RRP7A: variants seen among roughly 807,000 people sequenced by gnomAD.
RRP7A encodes the protein ribosomal RNA processing 7 homolog A.
In RRP7A, 27 loss-of-function variants were observed where a neutral mutation model predicts 38.4. The observed-to-expected ratio is 0.70, with a 90% CI of 0.52 to 0.97. The LOEUF is 0.97. RRP7A is among the 50% of genes least tolerant of loss of function. The probability of loss-of-function intolerance (pLI) is 0.00; values close to 1 mark genes in which losing one functional copy is unlikely to be tolerated. For missense variants in RRP7A, 327 were observed against 375.4 expected (o/e 0.87, Z 1.07); for synonymous variants, 124 against 150.3 (o/e 0.83, Z 1.28).
chr22:42,519,473 G>A (rs113476494), intron 1 of RRP7A, among the ~76,000 whole-genome samples: 26,778 of 151,692 alleles, frequency 0.18, 2,672 homozygotes, highest in African/African-American at 0.26. Context: ...ACAGAGGCGG[G>A]CTCACCCAAG....
intron 2 of RRP7A, among the ~76,000 whole-genome samples, chr22:42,517,107 G>A (rs1920932016): frequency 6.6e-6 from 1 of 151,910 alleles, no homozygotes; most frequent in African/African-American, 2.4e-5. Context: ...GTGAAACCTT[G>A]TCTATACTAA....
rs1458343225 is a variant in RRP7A, at chr22:42,512,486, G to T, written c.*424C>A. ...ATAATCTCCAGCCAGCTGGAGGAAG[G>T]AAGGGCGGGCTGGGCCCACCTAGCC... On this transcript the variant is annotated 3_prime_UTR_variant, in exon 7 of 7. Transcript: ENST00000323013. The T allele has an allele frequency of 3.5e-6, 2 of 567,568 alleles. No individual in the cohort carries two copies. Among genetic ancestry groups the T allele is most frequent in the African/African-American group, 3.8e-5 (2 of 53,320 alleles). The allele number at this position is 567,568 out of a possible 1,614,324, so 35.2% of individuals were successfully genotyped here.
intron 2 of RRP7A, among the ~76,000 whole-genome samples, chr22:42,517,580 C>CG (rs1189171099): frequency 1.1e-4 from 17 of 152,080 alleles, no homozygotes; most frequent in Middle Eastern, 6.8e-3. Flanking sequence ...AGTGCAGTGG[C>CG]GCGATCTTGG....
In RRP7A at chr22:42,512,473, C is replaced by T; in HGVS notation, c.*437G>A. On this transcript the variant is annotated 3_prime_UTR_variant, in exon 7 of 7. Transcript: ENST00000323013. The stretch of plus-strand genomic sequence containing the variant: ...TGTCTCCTGGCTAATAATCTCCAGC[C>T]AGCTGGAGGAAGGAAGGGCGGGCTG... 1 of 574,928 alleles carries T rather than the reference C, an allele frequency of 1.7e-6. No homozygotes were observed. 35.6% of individuals were successfully genotyped at this position (574,928 alleles called of 1,614,324 possible).
At position 42,509,084 on chromosome 22, in the gene RRP7A, G is replaced by A; in HGVS notation, c.*3826C>T. ...AGCTGTGTGCGCATTCCATCAGGAA[G>A]CTGCAGGCCCATGTCCTGTTGATCA... On this transcript the variant is annotated 3_prime_UTR_variant, in exon 7 of 7. Transcript: ENST00000323013. The A allele has an allele frequency of 6.2e-7, 1 of 1,613,964 alleles. No homozygotes were observed. The highest frequency in any genetic ancestry group is 8.5e-7 in the Non-Finnish European group (1 of 1,179,812).
chr22:42,508,518 C>T lies in RRP7A; in HGVS notation c.*4392G>A, dbSNP rs1298273752. ...ATCCAGACGTAAAACAGTCACAAGA[C>T]AGGGCAGGCAGGGCCGCGGAGGAGG... is the stretch of plus-strand genomic sequence containing the variant. On this transcript the variant is annotated 3_prime_UTR_variant, in exon 7 of 7. Transcript: ENST00000323013. Among the ~76,000 whole-genome samples, 3 of 152,176 alleles carry T rather than the reference C, an allele frequency of 2.0e-5. No individual in the cohort carries two copies. The East Asian group carries it at 5.8e-4, about 29-fold the overall frequency.
In RRP7A at chr22:42,510,917, T is replaced by A; in HGVS notation, c.*1993A>T. On this transcript the variant is annotated 3_prime_UTR_variant, in exon 7 of 7. Coordinates refer to ENST00000323013, the MANE Select transcript of RRP7A (RefSeq NM_015703.5). ...CCTGGGGACACATGTAATCAGAATT[T>A]AAGAAACAGAGACCTTTGGTGGGGA... is the stretch of plus-strand genomic sequence containing the variant. 3.9e-6 allele frequency: 2 copies of A among 519,112 alleles called. No individual in the cohort carries two copies. The highest frequency in any genetic ancestry group is 5.2e-6 in the Non-Finnish European group (2 of 382,296). 32.2% of individuals were successfully genotyped at this position (519,112 alleles called of 1,614,324 possible).
chr22:42,517,923 C>G (rs1392963173), intron 2 of RRP7A, 82 bp downstream of exon 2: 1 of 1,506,140 alleles, frequency 6.6e-7, no homozygotes. Context: ...CTGTGTCCGT[C>G]TCACCACCAA....
Position 42,519,723 on chromosome 22 carries a change from C to T in RRP7A, c.64G>A (p.Gly22Ser). The T allele has an allele frequency of 6.8e-7, 1 of 1,461,822 alleles. No individual in the cohort carries two copies. Among genetic ancestry groups the T allele is most frequent in the Non-Finnish European group, 9.0e-7 (1 of 1,109,068 alleles). 90.6% of individuals were successfully genotyped at this position (1,461,822 alleles called of 1,614,324 possible). ...TCCCGGAGCCCCTCACCTGCGTAGCCCAGTGGGCTGGGGATACGGTCCTCC... is the reference window on the plus strand; with the variant it reads ...TCCCGGAGCCCCTCACCTGCGTAGCTCAGTGGGCTGGGGATACGGTCCTCC... ...DPEDRIPSPL[G>S]YAAIPIKFSE... The change falls in exon 1 of 7, where the codon GGC becomes AGC. Residue 22 changes from glycine (G) to serine (S), a missense_variant. Transcript: ENST00000323013.
In RRP7A at chr22:42,516,143, C is replaced by T. The variant is rs1920929033; in HGVS notation, c.217-7G>A. On this transcript the variant is annotated splice_polypyrimidine_tract_variant and splice_region_variant and intron_variant, in intron 2 of 6. Coordinates refer to ENST00000323013, the MANE Select transcript of RRP7A (RefSeq NM_015703.5). ...GGAGGCGGGACAGGCTCTCCTGCCG[C>T]AGGGAGAGGGAAGCCAAGTGTGAGC... 1 of 1,612,478 alleles carries T rather than the reference C, an allele frequency of 6.2e-7. No homozygotes were observed. The highest frequency in any genetic ancestry group is 8.5e-7 in the Non-Finnish European group (1 of 1,179,310).
At chr22:42,519,291 G>A (rs1164418808) in intron 1 of RRP7A, among the ~76,000 whole-genome samples, 1 of 151,162 alleles carries the variant, frequency 6.6e-6, no homozygotes, top group Non-Finnish European at 1.5e-5. Flanking sequence ...CGTGGGTGGA[G>A]AACAGAAGCA....
intron 2 of RRP7A, chr22:42,516,402 G>T (rs554031065): frequency 1.4e-5 from 7 of 499,896 alleles, no homozygotes; most frequent in Non-Finnish European, 2.7e-5. Context: ...CTCCACCTTC[G>T]GGTTGCAAGT....
At chr22:42,515,003 C>G (rs972008921) in intron 4 of RRP7A, 148 bp downstream of exon 4, 1 of 612,702 alleles carries the variant, frequency 1.6e-6, no homozygotes, top group African/African-American at 1.9e-5. Context: ...GACCCAGACA[C>G]AGCCCCATGG....
At position 42,516,158 on chromosome 22, in the gene RRP7A, C is replaced by T. The variant is rs368833619; in HGVS notation, c.217-22G>A. ...TCTCCTGCCGCAGGGAGAGGGAAGC[C>T]AAGTGTGAGCATCCGCAGGGCCATC... On this transcript the variant is annotated intron_variant, in intron 2 of 6. Coordinates refer to ENST00000323013, the MANE Select transcript of RRP7A (RefSeq NM_015703.5). The T allele has an allele frequency of 4.8e-4, 773 of 1,611,462 alleles. 9 individuals are homozygous for T. In the African/African-American group the frequency reaches 9.4e-3, roughly 20 times the overall value.
In RRP7A at chr22:42,511,005, C is replaced by A; in HGVS notation, c.*1905G>T. Reference sequence around the variant, plus strand: ...TGGGGCCAGGCACAATTAGGTGACCCAACTGCCAGAGACAGTCCCACATTT... The same window carrying A: ...TGGGGCCAGGCACAATTAGGTGACCAAACTGCCAGAGACAGTCCCACATTT... On this transcript the variant is annotated 3_prime_UTR_variant, in exon 7 of 7. Transcript: ENST00000323013. 1 of 172,560 alleles carries A rather than the reference C, an allele frequency of 5.8e-6. No homozygotes were observed. Among genetic ancestry groups the A allele is most frequent in the Non-Finnish European group, 1.2e-5 (1 of 83,154 alleles). The allele number at this position is 172,560 out of a possible 1,614,324, so 10.7% of individuals were successfully genotyped here. A position where few individuals can be genotyped will look rare whatever the true frequency, so the allele number is the denominator to read the frequency against.
At position 42,509,137 on chromosome 22, in the gene RRP7A, C is replaced by G. The variant is rs757800166; in HGVS notation, c.*3773G>C. On this transcript the variant is annotated 3_prime_UTR_variant, in exon 7 of 7. Transcript: ENST00000323013. ...TGAGTCTGGACCCATCCCCTTCAGT[C>G]ACCCCCCAAGGAGACATGGGCGCCA... The G allele has an allele frequency of 1.2e-6, 2 of 1,613,974 alleles. No individual in the cohort carries two copies. Among genetic ancestry groups the G allele is most frequent in the African/African-American group, 1.3e-5 (1 of 75,048 alleles).
At chr22:42,517,286 AAATT>A (rs1226022536) in intron 2 of RRP7A, among the ~76,000 whole-genome samples, 1 of 82,372 alleles carries the variant, frequency 1.2e-5, no homozygotes. Flanking sequence ...ATAAATAAAT[AAATT>A]AAATAAATAA....
At position 42,510,523 on chromosome 22, in the gene RRP7A, C is replaced by T. The variant is rs1932424142; in HGVS notation, c.*2387G>A. The T allele has an allele frequency of 7.0e-6, 3 of 429,592 alleles. No individual in the cohort carries two copies. 26.6% of individuals were successfully genotyped at this position (429,592 alleles called of 1,614,324 possible). On this transcript the variant is annotated 3_prime_UTR_variant, in exon 7 of 7. Transcript: ENST00000323013. ...ACCCAGCTGTGGGAGTTGGGGTAGC[C>T]CAGGCTTTGGTTTCTCCTCAGAGGC...
At position 42,511,885 on chromosome 22, in the gene RRP7A, A is replaced by G. The variant is rs1456534748; in HGVS notation, c.*1025T>C. Reference sequence around the variant, plus strand: ...CCTGTCCCTGCCATGCAACTTCACAACTCAGCTGGCCTAGACCCCTGGGAG... The same window carrying G: ...CCTGTCCCTGCCATGCAACTTCACAGCTCAGCTGGCCTAGACCCCTGGGAG... On this transcript the variant is annotated 3_prime_UTR_variant, in exon 7 of 7. Transcript: ENST00000323013. 33 of 581,270 alleles carry G rather than the reference A, an allele frequency of 5.7e-5. No individual in the cohort carries two copies. Among genetic ancestry groups the G allele is most frequent in the Non-Finnish European group, 1.0e-4 (32 of 319,102 alleles). The allele number at this position is 581,270 out of a possible 1,614,324, so 36.0% of individuals were successfully genotyped here. A position where few individuals can be genotyped will look rare whatever the true frequency, so the allele number is the denominator to read the frequency against.
Sources: allele counts gnomAD v4.1 joint callset (sites outside exome capture counted in the v4.1 genomes callset), GRCh38; gene constraint gnomAD v4.1.1; transcripts MANE v1.5; gene names NCBI Gene and HGNC (gene_info 2026-07-23, HGNC 2026-07-21).